PCDH15: variants seen among roughly 807,000 people sequenced by gnomAD.
The protein encoded by PCDH15 is protocadherin related 15, also known as protocadherin-15.
PCDH15 carries 129 observed loss-of-function variants against 178.5 expected under a neutral mutation model. That is an observed-to-expected ratio of 0.72 (90% CI 0.63 to 0.84). The LOEUF is 0.84. Among genes scored for constraint, PCDH15 ranks in the 40% least tolerant of loss-of-function variants. PCDH15 has a pLI of 0.00. For missense variants in PCDH15, 2,230 were observed against 2,099.9 expected (o/e 1.06, Z -1.21); for synonymous variants, 800 against 732.0 (o/e 1.09, Z -1.50).
chr10:54,204,702 A>C (rs764730027), intron 10 of PCDH15, among the ~76,000 whole-genome samples: 16 of 152,100 alleles, frequency 1.1e-4, no homozygotes, highest in Non-Finnish European at 1.9e-4. Flanking sequence ...CTCAAGTCCA[A>C]GTGGTAATTT....
chr10:54,280,939 T>A (rs905420945), intron 8 of PCDH15, among the ~76,000 whole-genome samples: 1 of 151,984 alleles, frequency 6.6e-6, no homozygotes. Context: ...TTTTTTAATT[T>A]AAAAATTTAA....
chr10:55,199,320 C>T (rs1416051488), intron 1 of PCDH15, among the ~76,000 whole-genome samples: 3 of 151,974 alleles, frequency 2.0e-5, no homozygotes, highest in African/African-American at 7.3e-5. Context: ...GGCATTGTGC[C>T]CCTGATCTAG....
chr10:54,786,987 T>G (rs1950935903), intron 1 of PCDH15, among the ~76,000 whole-genome samples: 1 of 151,786 alleles, frequency 6.6e-6, no homozygotes, highest in Non-Finnish European at 1.5e-5. Context: ...GATTTGTTTG[T>G]TCTAGGTTTT....
At chr10:55,453,556 A>G (rs1273127301) in intron 2 of PCDH15, among the ~76,000 whole-genome samples, 1 of 152,046 alleles carries the variant, frequency 6.6e-6, no homozygotes, top group Non-Finnish European at 1.5e-5. Flanking sequence ...GATTTGATGC[A>G]TGCATATACT....
chr10:55,319,085 T>G (rs1042821548), intron 1 of PCDH15, among the ~76,000 whole-genome samples: 12 of 151,774 alleles, frequency 7.9e-5, no homozygotes, highest in African/African-American at 2.9e-4. Flanking sequence ...ACACACACGA[T>G]TCCCCTATGG....
intron 2 of PCDH15, among the ~76,000 whole-genome samples, chr10:55,041,822 CT>C (rs947453932): frequency 1.3e-5 from 2 of 151,950 alleles, no homozygotes; most frequent in African/African-American, 2.4e-5. Context: ...TATCATTTTT[CT>C]TTTTTTAACT....
chr10:54,109,060 G>C (rs191536642), intron 15 of PCDH15, among the ~76,000 whole-genome samples: 27 of 152,294 alleles, frequency 1.8e-4, no homozygotes, highest in African/African-American at 6.5e-4. Context: ...GCTGGCTTCA[G>C]ATGAGACTCA....
chr10:54,425,007 A>AT (rs199978835), intron 3 of PCDH15, among the ~76,000 whole-genome samples: 3 of 144,628 alleles, frequency 2.1e-5, no homozygotes, highest in East Asian at 2.0e-4. Flanking sequence ...TTAAAGTATA[A>AT]TAAAAAAAAA....
chr10:54,888,314 T>G (rs1954398093), intron 3 of PCDH15, among the ~76,000 whole-genome samples: 1 of 152,090 alleles, frequency 6.6e-6, no homozygotes, highest in South Asian at 2.1e-4. Flanking sequence ...TTGTCTGACT[T>G]TATTCACTCA....
intron 8 of PCDH15, among the ~76,000 whole-genome samples, chr10:54,299,115 A>G (rs6481084): frequency 0.73 from 111,212 of 152,084 alleles, 41,634 homozygotes; most frequent in African/African-American, 0.83. Context: ...TAAGCTGCTG[A>G]CAGAGGCAGG....
upstream of PCDH15, among the ~76,000 whole-genome samples, chr10:55,321,680 G>T (rs1322377807): frequency 6.6e-6 from 1 of 152,190 alleles, no homozygotes; most frequent in Non-Finnish European, 1.5e-5. Context: ...CTATAAGCAA[G>T]AAGAGATTTG....
At chr10:55,175,382 T>C (rs1839450820) in intron 1 of PCDH15, among the ~76,000 whole-genome samples, 2 of 151,640 alleles carry the variant, frequency 1.3e-5, no homozygotes, top group South Asian at 4.2e-4. Flanking sequence ...CAGAACCTGA[T>C]ATTAGGAGGA....
chr10:54,037,475 G>A (rs1046360498), intron 18 of PCDH15, among the ~76,000 whole-genome samples: 3 of 151,774 alleles, frequency 2.0e-5, no homozygotes, highest in Non-Finnish European at 2.9e-5. Flanking sequence ...ACTTGCTGAA[G>A]GTTCAGATGA....
At position 54,855,208 on chromosome 10, in the gene PCDH15, G is replaced by T. The variant is rs138552704; in HGVS notation, c.-29+42242C>A. ...TGCAAGGGCAGGGGAGGCCTTCCCA[G>T]GCCTCTAAAGGTGCAGGGATGCCTG... On this transcript the variant is annotated intron_variant, in intron 3 of 5. Coordinates refer to the PCDH15 transcript ENST00000458638. Among the ~76,000 whole-genome samples the T allele has an allele frequency of 9.8e-5, 15 of 152,310 alleles. No homozygotes were observed. In the East Asian group the frequency reaches 2.9e-3, roughly 30 times the overall value.
intron 18 of PCDH15, among the ~76,000 whole-genome samples, chr10:54,062,227 CAAAAAAA>C (rs72361686): frequency 1.9e-5 from 1 of 53,824 alleles, no homozygotes; most frequent in Non-Finnish European, 3.3e-5. Flanking sequence ...GATTCTGTCT[CAAAAAAA>C]AAAAAAAAAA....
chr10:55,053,406 C>A (rs1008043377), intron 2 of PCDH15, among the ~76,000 whole-genome samples: 1 of 152,148 alleles, frequency 6.6e-6, no homozygotes, highest in Non-Finnish European at 1.5e-5. Flanking sequence ...TTCAAATAAA[C>A]CCTCTGACAG....
chr10:55,018,912 C>T (rs531411567), intron 2 of PCDH15, among the ~76,000 whole-genome samples: 29 of 152,002 alleles, frequency 1.9e-4, no homozygotes, highest in Admixed American at 2.6e-4. Context: ...GAATATAATA[C>T]ATGGCATAAT....
chr10:54,882,675 G>T (rs1954285386), intron 3 of PCDH15, among the ~76,000 whole-genome samples: 1 of 151,896 alleles, frequency 6.6e-6, no homozygotes, highest in Non-Finnish European at 1.5e-5. Context: ...AATAGATTAA[G>T]ATTAAGAATC....
rs145849358 is a variant in PCDH15, at chr10:53,963,479, C to T, written c.2869-1587G>A. 1.0e-3 allele frequency among the ~76,000 whole-genome samples: 158 copies of T among 152,204 alleles called. 3 individuals carry two copies. The East Asian group carries it at 0.018, about 18-fold the overall frequency. Reference sequence around the variant, plus strand: ...CTTCTACATTTTCTACTTCTACTCTCGGCCCCTGGAACCTCTCCCAGTCTG... The same window carrying T: ...CTTCTACATTTTCTACTTCTACTCTTGGCCCCTGGAACCTCTCCCAGTCTG... On this transcript the variant is annotated intron_variant, in intron 21 of 37. Coordinates refer to ENST00000644397, the MANE Select transcript of PCDH15 (RefSeq NM_001384140.1).
Sources: allele counts gnomAD v4.1 joint callset (sites outside exome capture counted in the v4.1 genomes callset), GRCh38; gene constraint gnomAD v4.1.1; transcripts MANE v1.5; gene names NCBI Gene and HGNC (gene_info 2026-07-23, HGNC 2026-07-21).